The following DMRTA1 variants were observed in gnomAD, a reference collection of about 807,000 sequenced individuals.
DMRTA1 encodes the protein DMRT like family A1, also known as doublesex- and mab-3-related transcription factor A1.
Under a neutral mutation model 35.2 loss-of-function variants are expected in DMRTA1, and 34 were observed. The ratio of observed to expected loss-of-function variants is 0.97; its 90% CI spans 0.74 to 1.29. The LOEUF (loss-of-function observed/expected upper bound fraction) is 1.29. DMRTA1 is among the 50% of genes most tolerant of loss of function. DMRTA1 has a pLI of 0.00. For synonymous variants in DMRTA1, 344 were observed against 276.6 expected (o/e 1.24, Z -2.42); for missense variants, 824 against 644.6 (o/e 1.28, Z -3.01).
At chr9:22,450,786 A>G (rs186547464) in intron 1 of DMRTA1, among the ~76,000 whole-genome samples, 5 of 152,138 alleles carry the variant, frequency 3.3e-5, no homozygotes, top group Non-Finnish European at 7.4e-5. Flanking sequence ...GTAACAATAC[A>G]CTCTCATCTT....
chr9:22,447,166 C>T lies in DMRTA1; in HGVS notation c.101C>T (p.Ala34Val), dbSNP rs1245784959. The change falls in exon 1 of 2, where the codon GCG (alanine) becomes GTG (valine). Residue 34 changes from alanine (A) to valine (V), a missense_variant. Physicochemically the swap from Ala to Val is moderately conservative, Grantham distance 64. Coordinates refer to ENST00000325870, the MANE Select transcript of DMRTA1 (RefSeq NM_022160.3). ...GCTGCCCCTCCGCCCCCGTCCCCGG[C>T]GTTGCCGGTACCATCGGGGATGCAG... ...VVAAPPPPSP[A>V]LPVPSGMQVP... is the part of the protein sequence containing the mutation. 2 of 1,601,426 alleles carry T rather than the reference C, an allele frequency of 1.2e-6. No individual in the cohort carries two copies. Among genetic ancestry groups the T allele is most frequent in the South Asian group, 1.1e-5 (1 of 90,284 alleles).
In DMRTA1 at chr9:22,451,332, G is replaced by T; in HGVS notation, c.936G>T (p.Leu312Phe). The T allele has an allele frequency of 6.2e-7, 1 of 1,614,088 alleles. No homozygotes were observed. The highest frequency in any genetic ancestry group is 1.1e-5 in the South Asian group (1 of 91,064). Reference protein sequence around the residue: ...SGNESEWVKDLTATKASLPTV... With the variant: ...SGNESEWVKDFTATKASLPTV... ...ATGAAAGTGAATGGGTCAAAGACTT[G>T]ACTGCGACCAAGGCAAGCCTTCCGA... The change falls in exon 2 of 2, where the codon TTG becomes TTT. Residue 312 changes from leucine to phenylalanine, a missense_variant. By Grantham distance (22) the Leu-to-Phe change is conservative. Coordinates refer to ENST00000325870, the MANE Select transcript of DMRTA1 (RefSeq NM_022160.3).
intron 1 of DMRTA1, 64 bp downstream of exon 1, chr9:22,447,796 C>T: frequency 6.3e-7 from 1 of 1,589,872 alleles, no homozygotes; most frequent in Admixed American, 1.7e-5. Flanking sequence ...AACTCTGAAA[C>T]AAGCCACCGT....
intron 1 of DMRTA1, among the ~76,000 whole-genome samples, chr9:22,450,052 T>C (rs927215183): frequency 2.0e-5 from 3 of 152,112 alleles, no homozygotes; most frequent in Non-Finnish European, 2.9e-5. Flanking sequence ...AAAGTAAAAG[T>C]TACATAGTAA....
chr9:22,452,035 A>T lies in DMRTA1; in HGVS notation c.*124A>T. 5 of 1,209,204 alleles carry T rather than the reference A, an allele frequency of 4.1e-6. No individual in the cohort carries two copies. The highest frequency in any genetic ancestry group is 5.5e-6 in the Non-Finnish European group (5 of 913,896). 74.9% of individuals were successfully genotyped at this position (1,209,204 alleles called of 1,614,324 possible). On this transcript the variant is annotated 3_prime_UTR_variant, in exon 2 of 2. Coordinates refer to ENST00000325870, the MANE Select transcript of DMRTA1 (RefSeq NM_022160.3). ...TGTGAGTGGATTATGAGGTCTTAAAATGCTGGGTTTTTTTTTTTTCAAGCA... is the reference window on the plus strand; with the variant it reads ...TGTGAGTGGATTATGAGGTCTTAAATTGCTGGGTTTTTTTTTTTTCAAGCA...
chr9:22,452,067 T>C lies in DMRTA1; in HGVS notation c.*156T>C. On this transcript the variant is annotated 3_prime_UTR_variant, in exon 2 of 2. Transcript: ENST00000325870. ...GTTTTTTTTTTTTCAAGCAATATAA[T>C]AGGTCTTAGATCTGAAAACTCTTCA... The C allele has an allele frequency of 1.2e-6, 1 of 845,892 alleles. No individual in the cohort carries two copies. Among genetic ancestry groups the C allele is most frequent in the Non-Finnish European group, 1.8e-6 (1 of 570,818 alleles). The allele number at this position is 845,892 out of a possible 1,614,324, so 52.4% of individuals were successfully genotyped here. A position where few individuals can be genotyped will look rare whatever the true frequency, so the allele number is the denominator to read the frequency against.
In DMRTA1 at chr9:22,446,870, T is replaced by C; in HGVS notation, c.-196T>C. 1.5e-6 allele frequency: 1 copy of C among 646,098 alleles called. No individual in the cohort carries two copies. The highest frequency in any genetic ancestry group is 2.0e-5 in the South Asian group (1 of 49,366). 40.0% of individuals were successfully genotyped at this position (646,098 alleles called of 1,614,324 possible). A position where few individuals can be genotyped will look rare whatever the true frequency, so the allele number is the denominator to read the frequency against. ...GCCAGGCTCACGGGACAGCTGCACC[T>C]CTCAGCGTCTCCAGCTCCAGGACGC... On this transcript the variant is annotated 5_prime_UTR_variant, in exon 1 of 2. Coordinates refer to ENST00000325870, the MANE Select transcript of DMRTA1 (RefSeq NM_022160.3).
intron 1 of DMRTA1, among the ~76,000 whole-genome samples, chr9:22,450,065 A>G (rs905571620): frequency 6.6e-6 from 1 of 152,150 alleles, no homozygotes; most frequent in Non-Finnish European, 1.5e-5. Flanking sequence ...CATAGTAAAT[A>G]TGGCTATTTT....
intron 1 of DMRTA1, among the ~76,000 whole-genome samples, chr9:22,450,439 T>C (rs1258548227): frequency 3.3e-5 from 5 of 152,114 alleles, no homozygotes; most frequent in African/African-American, 1.2e-4. Context: ...TCTAGTATGA[T>C]TTGGGATTGA....
chr9:22,451,547 A>G lies in DMRTA1; in HGVS notation c.1151A>G (p.Asn384Ser). The G allele has an allele frequency of 6.2e-7, 1 of 1,614,152 alleles. No individual in the cohort carries two copies. Among genetic ancestry groups the G allele is most frequent in the Non-Finnish European group, 8.5e-7 (1 of 1,179,966 alleles). ...CTAGCAAACTCAGAAGAACTGGAAA[A>G]CACAGCCTTTCAGAGAGCTTCAAGT... The part of the protein sequence containing the change: ...RNLANSEELE[N>S]TAFQRASSFS... The change falls in exon 2 of 2, where the codon AAC (asparagine) becomes AGC (serine). Residue 384 changes from asparagine (N) to serine (S), a missense_variant. Asn to Ser is a conservative substitution (Grantham distance 46). Transcript: ENST00000325870.
At chr9:22,450,749 A>T (rs1000666562) in intron 1 of DMRTA1, among the ~76,000 whole-genome samples, 1 of 152,226 alleles carries the variant, frequency 6.6e-6, no homozygotes, top group African/African-American at 2.4e-5. Context: ...ACAGTGTGCC[A>T]TATTGGTGTT....
rs766439820 is a variant in DMRTA1 at position 22,452,616 on chromosome 9, C to T, written c.*705C>T. The T allele has an allele frequency of 6.6e-6, 1 of 152,074 alleles. No individual in the cohort carries two copies. The highest frequency in any genetic ancestry group is 1.5e-5 in the Non-Finnish European group (1 of 68,002). 9.4% of individuals were successfully genotyped at this position (152,074 alleles called of 1,614,324 possible). ...AAATAAGACTGCGCCATCTCCTGGC[C>T]ACTATCGCCAATTGCAACTGAGCTC... On this transcript the variant is annotated 3_prime_UTR_variant, in exon 2 of 2. Coordinates refer to ENST00000325870, the MANE Select transcript of DMRTA1 (RefSeq NM_022160.3).
chr9:22,451,861 T>G lies in DMRTA1; in HGVS notation c.1465T>G (p.Ser489Ala). 6.2e-7 allele frequency: 1 copy of G among 1,613,976 alleles called. No individual in the cohort carries two copies. The highest frequency in any genetic ancestry group is 8.5e-7 in the Non-Finnish European group (1 of 1,179,898). ...TTCTTCCTACCTTTCCAGTAAAGAC[T>G]CAATAACTTGTGGCAGACTGTACTT... ...RDSSYLSSKD[S>A]ITCGRLYFRP... The change falls in exon 2 of 2, where the codon TCA (serine) becomes GCA (alanine). Residue 489 changes from serine to alanine, a missense_variant. Ser to Ala is a moderately conservative substitution (Grantham distance 99). Transcript: ENST00000325870.
In DMRTA1 at chr9:22,451,426, C is replaced by T. The variant is rs769979537; in HGVS notation, c.1030C>T (p.Arg344Trp). ...TKIFPNYRRS[R>W]LEGILRFCKG... ...GATTTTCCCAAATTACAGGCGCAGC[C>T]GGCTAGAAGGCATTCTACGGTTCTG... Residue 344 changes from arginine to tryptophan, a missense_variant, in exon 2 of 2, where the codon CGG (arginine) becomes TGG (tryptophan). By Grantham distance (101) the Arg-to-Trp change is moderately radical. Transcript: ENST00000325870. 5.1e-5 allele frequency: 82 copies of T among 1,614,022 alleles called. No homozygotes were observed. The highest frequency in any genetic ancestry group is 8.0e-5 in the African/African-American group (6 of 74,924).
In DMRTA1 at chr9:22,447,735, G is replaced by A. The variant is rs578240664; in HGVS notation, c.667+3G>A. ...AGATTATCCTGAGGAAAAACAAGGT[G>A]AGTTGGTCTTTGATTTACTCTTTGC... On this transcript the variant is annotated splice_donor_region_variant and intron_variant, in intron 1 of 1. Transcript: ENST00000325870. 1.9e-6 allele frequency: 3 copies of A among 1,613,356 alleles called. No individual in the cohort carries two copies. The Admixed American group carries it at 5.0e-5, about 27-fold the overall frequency.
chr9:22,450,731 T>A (rs1272161515), intron 1 of DMRTA1, among the ~76,000 whole-genome samples: 1 of 152,142 alleles, frequency 6.6e-6, no homozygotes, highest in Admixed American at 6.5e-5. Flanking sequence ...ACAACCAAGA[T>A]AGAACAGACA....
At position 22,451,730 on chromosome 9, in the gene DMRTA1, G is replaced by A. The variant is rs777714285; in HGVS notation, c.1334G>A (p.Gly445Glu). Residue 445 changes from glycine (G) to glutamate (E), a missense_variant, in exon 2 of 2, where the codon GGA (glycine) becomes GAA (glutamate). Physicochemically the swap from Gly to Glu is moderately conservative, Grantham distance 98 (BLOSUM62 -2). Transcript: ENST00000325870. ...TTAAGGCTGGCATATTCTTCTGCAGGAAGAGGGTTATCTGGTTTTATGTCA... is the reference window on the plus strand; with the variant it reads ...TTAAGGCTGGCATATTCTTCTGCAGAAAGAGGGTTATCTGGTTTTATGTCA... Reference protein sequence around the residue: ...SPLRLAYSSAGRGLSGFMSPY... With the variant: ...SPLRLAYSSAERGLSGFMSPY... 2 of 1,614,094 alleles carry A rather than the reference G, an allele frequency of 1.2e-6. No homozygotes were observed.
At chr9:22,448,489 T>C (rs1453030407) in intron 1 of DMRTA1, among the ~76,000 whole-genome samples, 1 of 152,206 alleles carries the variant, frequency 6.6e-6, no homozygotes, top group African/African-American at 2.4e-5. Context: ...ATTATTTTTC[T>C]CTTATTTTTT....
chr9:22,447,132 C>G lies in DMRTA1; in HGVS notation c.67C>G (p.Leu23Val). 1 of 1,605,872 alleles carries G rather than the reference C, an allele frequency of 6.2e-7. No homozygotes were observed. The highest frequency in any genetic ancestry group is 8.5e-7 in the Non-Finnish European group (1 of 1,177,154). The change falls in exon 1 of 2, where the codon CTA becomes GTA. Residue 23 changes from leucine to valine, a missense_variant. Physicochemically the swap from Leu to Val is conservative, Grantham distance 32. Coordinates refer to ENST00000325870, the MANE Select transcript of DMRTA1 (RefSeq NM_022160.3). Reference protein sequence around the residue: ...VSGRPHLAPGLVVAAPPPPSP... With the variant: ...VSGRPHLAPGVVVAAPPPPSP... ...CGGCCGACCTCACTTGGCCCCTGGG[C>G]TAGTGGTGGCTGCCCCTCCGCCCCC...
Sources: allele counts gnomAD v4.1 joint callset (sites outside exome capture counted in the v4.1 genomes callset), GRCh38; gene constraint gnomAD v4.1.1; transcripts MANE v1.5; gene names NCBI Gene and HGNC (gene_info 2026-07-23, HGNC 2026-07-21).